Variants in JAKMIP3 observed in about 807,000 individuals in gnomAD.
The protein encoded by JAKMIP3 is janus kinase and microtubule-interacting protein 3.
In JAKMIP3, 58 loss-of-function variants were observed where a neutral mutation model predicts 118.5. The observed-to-expected ratio is 0.49, with a 90% CI of 0.40 to 0.61. JAKMIP3 has a LOEUF of 0.61. Among genes scored for constraint, JAKMIP3 ranks in the 20% least tolerant of loss-of-function variants. The pLI is 0.00. For missense variants in JAKMIP3, 950 were observed against 1,109.0 expected (o/e 0.86, Z 2.04); for synonymous variants, 486 against 451.2 (o/e 1.08, Z -0.98).
intron 3 of JAKMIP3, among the ~76,000 whole-genome samples, chr10:132,119,949 C>T (rs139354830): frequency 1.1e-4 from 16 of 152,306 alleles, no homozygotes; most frequent in African/African-American, 2.9e-4. Flanking sequence ...TTTGCATTCC[C>T]GTGAGCAGGA....
At chr10:132,150,180 A>C in intron 16 of JAKMIP3, 139 bp downstream of exon 16, 1 of 645,510 alleles carries the variant, frequency 1.5e-6, no homozygotes, top group Non-Finnish European at 2.7e-6. Context: ...CTAGGCCCAG[A>C]GCCTGCTCAG....
intron 1 of JAKMIP3, among the ~76,000 whole-genome samples, chr10:132,081,172 C>A (rs2041719087): frequency 6.9e-6 from 1 of 145,798 alleles, no homozygotes; most frequent in African/African-American, 2.6e-5. Context: ...ATGTGGACAT[C>A]CAGTTTTCCC....
Position 132,183,214 on chromosome 10 carries a change from T to C in JAKMIP3, c.*1961T>C, listed in dbSNP as rs1325174275. The C allele has an allele frequency of 3.3e-5, 5 of 152,262 alleles. No individual in the cohort carries two copies. Among genetic ancestry groups the C allele is most frequent in the South Asian group, 2.1e-4 (1 of 4,836 alleles). 9.4% of individuals were successfully genotyped at this position (152,262 alleles called of 1,614,324 possible). ...GGTGAACCGCTGGGTTGAAGTCCGA[T>C]GGACTCTACGATGCAGGCATCCAGA... On this transcript the variant is annotated 3_prime_UTR_variant, in exon 24 of 24. Coordinates refer to ENST00000684848, the MANE Select transcript of JAKMIP3 (RefSeq NM_001323087.2).
intron 1 of JAKMIP3, among the ~76,000 whole-genome samples, chr10:132,104,470 G>A (rs926632024): frequency 4.6e-5 from 7 of 152,228 alleles, no homozygotes; most frequent in African/African-American, 1.7e-4. Flanking sequence ...TAGATGTGGG[G>A]TCCCTGTCTG....
rs1439291759 is a variant in JAKMIP3 at position 132,088,367 on chromosome 10, CTGT to C, written c.-137-16300_-137-16298del. On this transcript the variant is annotated intron_variant, in intron 1 of 23. Transcript: ENST00000684848. Reference sequence around the variant, plus strand: ...TATTTCTCCACATCCTCTCCAGCACCTGTTGTTTCCTGACTTTTTAATGATTGC... The same window carrying C: ...TATTTCTCCACATCCTCTCCAGCACCTGTTTCCTGACTTTTTAATGATTGC... Among the ~76,000 whole-genome samples the C allele has an allele frequency of 3.9e-5, 6 of 152,300 alleles. No homozygotes were observed. In the East Asian group the frequency reaches 1.2e-3, roughly 29 times the overall value.
intron 6 of JAKMIP3, 150 bp downstream of exon 6, chr10:132,136,226 G>C: frequency 1.2e-6 from 1 of 827,128 alleles, no homozygotes; most frequent in Non-Finnish European, 1.9e-6. Context: ...CATGTTTGAA[G>C]GGGAGCAACC....
intron 1 of JAKMIP3, among the ~76,000 whole-genome samples, chr10:132,048,281 T>C (rs900574868): frequency 1.3e-5 from 2 of 152,172 alleles, no homozygotes; most frequent in Non-Finnish European, 2.9e-5. Flanking sequence ...GCTTTGAGAC[T>C]GTGCAGGGCC....
rs570006544 is a variant in JAKMIP3, at chr10:132,142,082, C to T, written c.1602+34C>T. The T allele has an allele frequency of 7.6e-6, 12 of 1,571,540 alleles. No homozygotes were observed. The East Asian group carries it at 2.1e-4, about 27-fold the overall frequency. Reference sequence around the variant, plus strand: ...GACTTCCACCGCGCGTTCCGGCCCCCCTCGTGCCTTCCCGCTTGACCCCGT... The same window carrying T: ...GACTTCCACCGCGCGTTCCGGCCCCTCTCGTGCCTTCCCGCTTGACCCCGT... On this transcript the variant is annotated intron_variant, in intron 11 of 23. Transcript: ENST00000684848.
intron 2 of JAKMIP3, among the ~76,000 whole-genome samples, chr10:132,116,299 T>C (rs2047635159): frequency 6.6e-6 from 1 of 152,206 alleles, no homozygotes. Context: ...TTCAAAAAAA[T>C]CTTCCCCAAG....
chr10:132,062,950 A>G (rs1042725975), upstream of JAKMIP3, among the ~76,000 whole-genome samples: 2 of 152,190 alleles, frequency 1.3e-5, no homozygotes, highest in African/African-American at 4.8e-5. Flanking sequence ...GACCTGCAAT[A>G]TAATAGAAGG....
At chr10:132,047,737 G>A (rs2037961850) in intron 1 of JAKMIP3, among the ~76,000 whole-genome samples, 2 of 119,198 alleles carry the variant, frequency 1.7e-5, no homozygotes, top group Non-Finnish European at 3.5e-5. Context: ...ACCGCGCCAC[G>A]AGCTTTCAGT....
At position 132,158,949 on chromosome 10, in the gene JAKMIP3, GA is replaced by G. The variant is rs1369333565; in HGVS notation, c.2221-4259del. 2.6e-3 allele frequency among the ~76,000 whole-genome samples: 233 copies of G among 88,702 alleles called. 11 individuals carry two copies. The highest frequency in any genetic ancestry group is 4.3e-3 in the African/African-American group (78 of 18,096). The allele number at this position is 88,702 out of a possible 152,430, so 58.2% of individuals were successfully genotyped here. On this transcript the variant is annotated intron_variant, in intron 19 of 23. Transcript: ENST00000684848. Reference sequence around the variant, plus strand: ...CTTCCTTTGTGATGCTGGGGGGGGGGACCTCTCGCTGTGTGATGCTGGGGGG... The same window carrying G: ...CTTCCTTTGTGATGCTGGGGGGGGGGCCTCTCGCTGTGTGATGCTGGGGGG...
At chr10:132,051,599 ACTTTTTTTTTTTT>A (rs2038108109) in intron 1 of JAKMIP3, among the ~76,000 whole-genome samples, 4 of 144,616 alleles carry the variant, frequency 2.8e-5, no homozygotes, top group African/African-American at 1.0e-4. Context: ...CTTTATTTTT[ACTTTTTTTTTTTT>A]CTTTTTGAGA....
intron 23 of JAKMIP3, among the ~76,000 whole-genome samples, chr10:132,176,343 C>T (rs1047792067): frequency 1.3e-5 from 2 of 152,220 alleles, no homozygotes; most frequent in Non-Finnish European, 2.9e-5. Flanking sequence ...TGCCTGGTCC[C>T]CTCATCCTCA....
At chr10:132,046,461 G>GAA (rs55907923) in intron 1 of JAKMIP3, among the ~76,000 whole-genome samples, 66,702 of 147,474 alleles carry the variant, frequency 0.45, 16,063 homozygotes, top group East Asian at 0.96. Context: ...GTCTCAAAAA[G>GAA]AAAAAAAAAA....
At chr10:132,142,879 A>G (rs955329539) in intron 11 of JAKMIP3, among the ~76,000 whole-genome samples, 3 of 152,160 alleles carry the variant, frequency 2.0e-5, no homozygotes, top group Non-Finnish European at 4.4e-5. Context: ...CAGAGATGCC[A>G]GTGTCTGGCA....
At chr10:132,069,266 G>C (rs1024264870) in intron 1 of JAKMIP3, among the ~76,000 whole-genome samples, 1 of 152,174 alleles carries the variant, frequency 6.6e-6, no homozygotes, top group South Asian at 2.1e-4. Flanking sequence ...TGGGAGGCCA[G>C]GGGAGGGGTC....
chr10:132,061,792 T>C (rs991622033), upstream of JAKMIP3, among the ~76,000 whole-genome samples: 24 of 152,186 alleles, frequency 1.6e-4, no homozygotes, highest in African/African-American at 5.5e-4. Flanking sequence ...TTTTCATGTA[T>C]GAGACATACA....
intron 1 of JAKMIP3, among the ~76,000 whole-genome samples, chr10:132,097,994 T>TTCCCTC: frequency 8.3e-6 from 1 of 120,276 alleles, no homozygotes; most frequent in Middle Eastern, 4.0e-3. Flanking sequence ...CCCTTCCCCT[T>TTCCCTC]CCCCTTCCCC....
Sources: allele counts gnomAD v4.1 joint callset (sites outside exome capture counted in the v4.1 genomes callset), GRCh38; gene constraint gnomAD v4.1.1; transcripts MANE v1.5; gene names NCBI Gene and HGNC (gene_info 2026-07-23, HGNC 2026-07-21).